The following BICRA variants were observed in gnomAD, a reference collection of about 807,000 sequenced individuals.
BICRA encodes the protein BRD4-interacting chromatin-remodeling complex-associated protein.
BICRA carries 31 observed loss-of-function variants against 96.9 expected under a neutral mutation model. The observed-to-expected ratio is 0.32, with a 90% CI of 0.24 to 0.43. The LOEUF (loss-of-function observed/expected upper bound fraction) is 0.43. Among genes scored for constraint, BICRA ranks in the 20% least tolerant of loss-of-function variants. BICRA has a pLI of 1.00. For synonymous variants in BICRA, 1,350 were observed against 1,071.8 expected (o/e 1.26, Z -5.07); for missense variants, 2,283 against 2,190.3 (o/e 1.04, Z -0.84).
Position 47,701,943 on chromosome 19 carries a change from C to A in BICRA, c.4211C>A (p.Thr1404Lys). ...NVGGPGAPEGTPAGRARGGSP... is the reference protein window; with the variant it reads ...NVGGPGAPEGKPAGRARGGSP... ...GGGGGCCCTGGCGCGCCGGAGGGGA[C>A]GCCCGCAGGCAGGGCACGGGGAGGC... Residue 1404 changes from threonine (T) to lysine (K), a missense_variant, in exon 15 of 15, where the codon ACG (threonine) becomes AAG (lysine). Coordinates refer to ENST00000594866, the MANE Select transcript of BICRA (RefSeq NM_001394372.1). The surrounding 1 kb of genome is among the most constrained non-coding windows in gnomAD (Gnocchi z 5.4). The A allele has an allele frequency of 3.5e-6, 5 of 1,437,512 alleles. No individual in the cohort carries two copies. Among genetic ancestry groups the A allele is most frequent in the Non-Finnish European group, 4.5e-6 (5 of 1,105,822 alleles). The allele number at this position is 1,437,512 out of a possible 1,614,324, so 89.0% of individuals were successfully genotyped here.
At chr19:47,689,321 C>G (rs535865334) in intron 7 of BICRA, among the ~76,000 whole-genome samples, 1 of 151,944 alleles carries the variant, frequency 6.6e-6, no homozygotes, top group Non-Finnish European at 1.5e-5. Context: ...CCAGGCTGGT[C>G]TTGAACTCCT....
chr19:47,642,711 A>C (rs1972401311), intron 1 of BICRA, among the ~76,000 whole-genome samples: 1 of 152,100 alleles, frequency 6.6e-6, no homozygotes, highest in Admixed American at 6.6e-5. Flanking sequence ...CAAAAAGAAA[A>C]GAAAAAAGAA....
intron 1 of BICRA, among the ~76,000 whole-genome samples, chr19:47,620,569 G>A (rs1419542974): frequency 6.7e-6 from 1 of 148,602 alleles, no homozygotes; most frequent in Non-Finnish European, 1.5e-5. Flanking sequence ...TTGGGAAGCT[G>A]AGAGGTGGGA....
intron 1 of BICRA, among the ~76,000 whole-genome samples, chr19:47,627,915 G>A (rs1156784233): frequency 3.9e-5 from 6 of 152,136 alleles, no homozygotes; most frequent in Non-Finnish European, 7.4e-5. Context: ...GATTACAGGC[G>A]CATGCCACTA....
intron 1 of BICRA, among the ~76,000 whole-genome samples, chr19:47,657,554 T>G (rs148974859): frequency 0.12 from 17,786 of 151,698 alleles, 1,210 homozygotes; most frequent in South Asian, 0.2. Context: ...CCACCACCAC[T>G]CCCGGCTAAT....
intron 1 of BICRA, among the ~76,000 whole-genome samples, chr19:47,660,559 C>T (rs1972689146): frequency 6.6e-6 from 1 of 152,166 alleles, no homozygotes; most frequent in Non-Finnish European, 1.5e-5. Flanking sequence ...CATGTTAAGT[C>T]CACGTACCAG....
In BICRA at chr19:47,701,920, G is replaced by A. The variant is rs1973460089; in HGVS notation, c.4188G>A (p.Gly1396=). The A allele has an allele frequency of 1.5e-5, 22 of 1,432,722 alleles. No homozygotes were observed. Among genetic ancestry groups the A allele is most frequent in the Non-Finnish European group, 1.7e-5 (19 of 1,102,450 alleles). The allele number at this position is 1,432,722 out of a possible 1,614,324, so 88.8% of individuals were successfully genotyped here. ...GCAAGACCTACCGCGAGAACGTGGG[G>A]GGCCCTGGCGCGCCGGAGGGGACGC... ...PLRKTYRENV[G]GPGAPEGTPA... Residue 1396 remains glycine, a synonymous_variant, in exon 15 of 15, where the codon GGG becomes GGA. Transcript: ENST00000594866. This position sits in a 1 kb window ranked among gnomAD's most constrained non-coding sequence, Gnocchi z 5.4.
At chr19:47,695,342 T>TCGGGGGGCCCCCCCCCCCCCCC in intron 9 of BICRA, 23 bp from the exon 10 acceptor site, 3 of 630,166 alleles carry the variant, frequency 4.8e-6, no homozygotes, top group Non-Finnish European at 5.7e-6. Flanking sequence ...AGGCCCTGTC[T>TCGGGGGGCCCCCCCCCCCCCCC]CCCCCACCCC....
In BICRA at chr19:47,701,995, G is replaced by A. The variant is rs1457783580; in HGVS notation, c.4263G>A (p.Val1421=). The stretch of plus-strand genomic sequence containing the variant: ...GCCCGGCGCCGCTGCCCGCCAAAGT[G>A]GACGAGGCCACCAGCGGGCTCATCC... ...GGSPAPLPAK[V]DEATSGLIRE... is the part of the protein sequence containing the mutation. The change falls in exon 15 of 15, where the codon GTG becomes GTA. Residue 1421 remains valine, a synonymous_variant. Transcript: ENST00000594866. This position sits in a 1 kb window ranked among gnomAD's most constrained non-coding sequence, Gnocchi z 5.4. The A allele has an allele frequency of 2.0e-6, 3 of 1,484,224 alleles. No individual in the cohort carries two copies. Among genetic ancestry groups the A allele is most frequent in the Admixed American group, 2.4e-5 (1 of 41,166 alleles). 91.9% of individuals were successfully genotyped at this position (1,484,224 alleles called of 1,614,324 possible).
At chr19:47,610,148 C>T (rs928667532) in intron 1 of BICRA, among the ~76,000 whole-genome samples, 1 of 152,230 alleles carries the variant, frequency 6.6e-6, no homozygotes, top group African/African-American at 2.4e-5. Flanking sequence ...TGCGGCCTCC[C>T]CGGGCCCCTG....
chr19:47,638,337 A>G lies in BICRA; in HGVS notation c.-108+29169A>G, dbSNP rs1972331643. 2.0e-5 allele frequency among the ~76,000 whole-genome samples: 3 copies of G among 152,166 alleles called. No homozygotes were observed. In the South Asian group the frequency reaches 6.2e-4, roughly 32 times the overall value. On this transcript the variant is annotated intron_variant, in intron 1 of 14. Transcript: ENST00000594866. ...CCCGGGAAGGCATAGGGAGAGGGCC[A>G]AGCCTGGGAAACAGCTTTTCTCTGG...
At chr19:47,647,241 G>A (rs775846935) in intron 1 of BICRA, among the ~76,000 whole-genome samples, 4 of 151,966 alleles carry the variant, frequency 2.6e-5, no homozygotes, top group South Asian at 2.1e-4. Context: ...GAATGATGCC[G>A]TATGAATGTT....
At chr19:47,681,890 G>A (rs2303755) in intron 6 of BICRA, 86 bp from the exon 7 acceptor site, 426,432 of 913,988 alleles carry the variant, frequency 0.47, 102,096 homozygotes, top group East Asian at 0.67. Context: ...AACCCTGGGA[G>A]CGTCAATAGG....
rs776494708 is a variant in BICRA at position 47,676,037 on chromosome 19, G to A, written c.150+121G>A. The A allele has an allele frequency of 1.1e-5, 7 of 643,746 alleles. No homozygotes were observed. In the Admixed American group the frequency reaches 1.2e-4, roughly 11 times the overall value. 39.9% of individuals were successfully genotyped at this position (643,746 alleles called of 1,614,324 possible). The stretch of plus-strand genomic sequence containing the variant: ...TGAGGGCTGTTGACAGGAGGAGGGC[G>A]GGGGTGGGCCACCCAGGGTGGCTGG... On this transcript the variant is annotated intron_variant, in intron 5 of 14. Coordinates refer to ENST00000594866, the MANE Select transcript of BICRA (RefSeq NM_001394372.1).
rs191457127 is a variant in BICRA, at chr19:47,699,386, G to T, written c.3576G>T (p.Gln1192His). 2.9e-5 allele frequency: 45 copies of T among 1,560,468 alleles called. 1 individual carries two copies. The East Asian group carries it at 1.1e-3, about 36-fold the overall frequency. ...EEKTTLALDKQLAKEKPDEYV... is the reference protein window; with the variant it reads ...EEKTTLALDKHLAKEKPDEYV... The stretch of plus-strand genomic sequence containing the variant: ...AGACCACCCTTGCCTTGGATAAACA[G>T]CTGGCCAAGGAGAAGCCGGGTGAGA... The change falls in exon 14 of 15, where the codon CAG becomes CAT. Residue 1192 changes from glutamine (Q) to histidine (H), a missense_variant. Gln to His is a conservative substitution (Grantham distance 24). Transcript: ENST00000594866. This position sits in a 1 kb window ranked among gnomAD's most constrained non-coding sequence, Gnocchi z 5.0.
intron 1 of BICRA, 109 bp from the exon 2 acceptor site, chr19:47,670,334 T>C (rs11083889): frequency 0.12 from 18,566 of 152,340 alleles, 1,406 homozygotes; most frequent in East Asian, 0.23. Flanking sequence ...CCCCCTCCTT[T>C]GTCCATCCCT....
chr19:47,701,428 C>T lies in BICRA; in HGVS notation c.3696C>T (p.Pro1232=), dbSNP rs768135855. The change falls in exon 15 of 15, where the codon CCC becomes CCT. Residue 1232 remains proline, a synonymous_variant. Coordinates refer to ENST00000594866, the MANE Select transcript of BICRA (RefSeq NM_001394372.1). This position sits in a 1 kb window ranked among gnomAD's most constrained non-coding sequence, Gnocchi z 5.4. ...ACGGCCCCCTGTCGTCTTCAGCTCC[C>T]GGGGCCTCCACCCAGCCCCCTCCAC... ...PGHGPLSSSA[P]GASTQPPPHL... is the part of the protein sequence containing the mutation. 5.7e-6 allele frequency: 9 copies of T among 1,581,884 alleles called. No individual in the cohort carries two copies. Among genetic ancestry groups the T allele is most frequent in the East Asian group, 2.3e-5 (1 of 42,932 alleles).
At chr19:47,657,719 G>A (rs973127149) in intron 1 of BICRA, among the ~76,000 whole-genome samples, 1 of 152,108 alleles carries the variant, frequency 6.6e-6, no homozygotes, top group Non-Finnish European at 1.5e-5. Context: ...TTGTACAGGT[G>A]CTTTTGTGGA....
chr19:47,611,499 G>C (rs1039374697), intron 1 of BICRA, among the ~76,000 whole-genome samples: 2 of 152,146 alleles, frequency 1.3e-5, no homozygotes, highest in African/African-American at 2.4e-5. Context: ...CTACCTGAGC[G>C]GGGGACTTGG....
Sources: gnomAD v4.1 joint callset for allele counts (sites outside exome capture counted in the v4.1 genomes callset) on GRCh38, gnomAD v4.1.1 for gene constraint, Gnocchi (gnomAD v3.1) non-coding constraint, MANE v1.5 for transcripts, NCBI Gene and HGNC (gene_info 2026-07-23, HGNC 2026-07-21) for gene names.